The following WWOX variants were observed in gnomAD, a reference collection of about 807,000 sequenced individuals.
The protein encoded by WWOX is WW domain containing oxidoreductase.
Under a neutral mutation model 46.2 loss-of-function variants are expected in WWOX, and 69 were observed. The observed-to-expected ratio is 1.49, with a 90% CI of 1.23 to 1.82. WWOX has a LOEUF of 1.82. Ranked by LOEUF, WWOX falls within the 40% of genes most tolerant of loss-of-function variation. The pLI, the probability that WWOX is intolerant of heterozygous loss-of-function variation, is 0.00. For synonymous variants in WWOX, 359 were observed against 202.6 expected (o/e 1.77, Z -6.56); for missense variants, 919 against 542.6 (o/e 1.69, Z -6.89).
chr16:78,130,810 C>T (rs568438076), intron 4 of WWOX, among the ~76,000 whole-genome samples: 1 of 152,312 alleles, frequency 6.6e-6, no homozygotes, highest in East Asian at 1.9e-4. Context: ...AGGGTCCCTG[C>T]CCTTGTGGAG....
chr16:78,755,143 C>T (rs953569916), intron 8 of WWOX, among the ~76,000 whole-genome samples: 2 of 151,246 alleles, frequency 1.3e-5, no homozygotes. Context: ...TGCAGCAAAC[C>T]ACCATGGCAC....
chr16:78,644,717 C>A (rs1033813463), intron 8 of WWOX, among the ~76,000 whole-genome samples: 4 of 152,178 alleles, frequency 2.6e-5, no homozygotes, highest in African/African-American at 9.7e-5. Context: ...CCCGCCTTTG[C>A]CTCCCAAAGT....
At chr16:78,598,397 A>G (rs772573352) in intron 8 of WWOX, among the ~76,000 whole-genome samples, 4 of 152,202 alleles carry the variant, frequency 2.6e-5, no homozygotes, top group Non-Finnish European at 5.9e-5. Flanking sequence ...CGAGAGGGGA[A>G]TGCAAATTGA....
rs145695033 is a variant in WWOX, at chr16:79,141,431, T to C, written c.1057-70177T>C. The stretch of plus-strand genomic sequence containing the variant: ...GTGCACATCCTCAACCTTGGCAAAA[T>C]AAACTTTCTAAATTAGCTGAGACCT... On this transcript the variant is annotated intron_variant, in intron 8 of 8. Coordinates refer to ENST00000566780, the MANE Select transcript of WWOX (RefSeq NM_016373.4). 3.3e-5 allele frequency among the ~76,000 whole-genome samples: 5 copies of C among 152,314 alleles called. No homozygotes were observed. The East Asian group carries it at 7.7e-4, about 24-fold the overall frequency.
chr16:79,066,542 A>G (rs879385582), intron 8 of WWOX, among the ~76,000 whole-genome samples: 5 of 152,112 alleles, frequency 3.3e-5, no homozygotes, highest in Admixed American at 3.3e-4. Flanking sequence ...GGAGGGAATA[A>G]TTTCCAGGAA....
chr16:78,803,383 C>T (rs2050946730), intron 8 of WWOX, among the ~76,000 whole-genome samples: 1 of 152,082 alleles, frequency 6.6e-6, no homozygotes, highest in South Asian at 2.1e-4. Context: ...CCAGCTCATG[C>T]AGAATTCTGT....
Position 78,356,071 on chromosome 16 carries a change from T to TA in WWOX, c.517-30767dup, listed in dbSNP as rs61113878. ...TATGACCACCAAGATTTTTTTTTCC[T>TA]AAAAAAAAAAAAAAAAAAAAAAGAA... On this transcript the variant is annotated intron_variant, in intron 5 of 8. Transcript: ENST00000566780. 1.0e-2 allele frequency among the ~76,000 whole-genome samples: 758 copies of TA among 76,096 alleles called. 27 individuals carry two copies. Among genetic ancestry groups the TA allele is most frequent in the Admixed American group, 0.068 (379 of 5,582 alleles). The allele number at this position is 76,096 out of a possible 152,430, so 49.9% of individuals were successfully genotyped here.
At chr16:78,385,186 C>CATGACTTGGAT (rs200230370) in intron 5 of WWOX, among the ~76,000 whole-genome samples, 2,083 of 146,258 alleles carry the variant, frequency 0.014, 54 homozygotes, top group African/African-American at 0.051. Context: ...TGTTAGCAGG[C>CATGACTTGGAT]ATGACTTGGA....
chr16:79,105,397 C>T (rs967912837), intron 8 of WWOX, among the ~76,000 whole-genome samples: 7 of 152,134 alleles, frequency 4.6e-5, no homozygotes, highest in East Asian at 3.9e-4. Context: ...TACCCATGTA[C>T]GTATTCATAC....
At chr16:78,747,783 A>G (rs1257065309) in intron 8 of WWOX, among the ~76,000 whole-genome samples, 1 of 152,200 alleles carries the variant, frequency 6.6e-6, no homozygotes, top group Non-Finnish European at 1.5e-5. Context: ...TTGGCAGAGC[A>G]TGGATTGCTC....
At chr16:79,036,044 C>A (rs1246824751) in intron 8 of WWOX, among the ~76,000 whole-genome samples, 1 of 152,200 alleles carries the variant, frequency 6.6e-6, no homozygotes, top group African/African-American at 2.4e-5. Context: ...GCACAGTCCA[C>A]CTCTGTGGTC....
In WWOX at chr16:78,734,841, CTTTTTTTTTTTTTTTTTTTTTTTT is replaced by C. The variant is rs60560119; in HGVS notation, c.1056+302108_1056+302131del. 3.8e-3 allele frequency among the ~76,000 whole-genome samples: 151 copies of C among 40,130 alleles called. 3 individuals carry two copies. The East Asian group carries it at 0.089, about 24-fold the overall frequency. 26.3% of individuals were successfully genotyped at this position (40,130 alleles called of 152,430 possible). On this transcript the variant is annotated intron_variant, in intron 8 of 8. Transcript: ENST00000566780. ...GATGACTCAGGTGGGGACTTCAGTC[CTTTTTTTTTTTTTTTTTTTTTTTT>C]TTTTTTTTTTTTTTTTTTGAGATAG...
At chr16:78,291,057 A>C (rs963164496) in intron 5 of WWOX, among the ~76,000 whole-genome samples, 4 of 152,134 alleles carry the variant, frequency 2.6e-5, no homozygotes, top group Non-Finnish European at 5.9e-5. Context: ...GTGGCTGCCA[A>C]GTTTACACAG....
chr16:78,524,282 A>G (rs1239748188), intron 8 of WWOX, among the ~76,000 whole-genome samples: 1 of 152,166 alleles, frequency 6.6e-6, no homozygotes, highest in Non-Finnish European at 1.5e-5. Flanking sequence ...ATGATGAGCA[A>G]TACTCTTTTT....
intron 8 of WWOX, among the ~76,000 whole-genome samples, chr16:78,664,055 A>G (rs2047275939): frequency 6.6e-6 from 1 of 152,194 alleles, no homozygotes; most frequent in African/African-American, 2.4e-5. Context: ...ATGGTTTTAA[A>G]AGACGCCATG....
chr16:78,149,121 T>C (rs966411328), intron 4 of WWOX, among the ~76,000 whole-genome samples: 4 of 151,980 alleles, frequency 2.6e-5, no homozygotes, highest in African/African-American at 9.7e-5. Context: ...CCTCCTAAAG[T>C]GCTGGGATTA....
At chr16:78,805,183 G>C (rs2050997299) in intron 8 of WWOX, among the ~76,000 whole-genome samples, 1 of 152,170 alleles carries the variant, frequency 6.6e-6, no homozygotes, top group African/African-American at 2.4e-5. Context: ...AACCAAGAAA[G>C]GAAAAGTGTA....
chr16:79,130,748 A>C (rs957173681), intron 8 of WWOX, among the ~76,000 whole-genome samples: 1 of 152,210 alleles, frequency 6.6e-6, no homozygotes. Flanking sequence ...TAATCGCCAC[A>C]ATGTATTACA....
intron 8 of WWOX, among the ~76,000 whole-genome samples, chr16:78,446,938 G>A (rs2083574067): frequency 6.6e-6 from 1 of 152,142 alleles, no homozygotes; most frequent in Non-Finnish European, 1.5e-5. Context: ...TGGGATGACA[G>A]GTGTGAGCCA....
Sources: allele counts gnomAD v4.1 joint callset (sites outside exome capture counted in the v4.1 genomes callset), GRCh38; gene constraint gnomAD v4.1.1; transcripts MANE v1.5; gene names NCBI Gene and HGNC (gene_info 2026-07-23, HGNC 2026-07-21).